The following ITGAD variants were observed in gnomAD, a reference collection of about 807,000 sequenced individuals.
ITGAD encodes integrin alpha-D.
Under a neutral mutation model 139.0 loss-of-function variants are expected in ITGAD, and 105 were observed. That is an observed-to-expected ratio of 0.76 (90% CI 0.65 to 0.89). The LOEUF is 0.89. Among genes scored for constraint, ITGAD ranks in the 40% least tolerant of loss-of-function variants. The pLI, the probability that ITGAD is intolerant of heterozygous loss-of-function variation, is 0.00. For missense variants in ITGAD, 1,384 were observed against 1,487.3 expected (o/e 0.93, Z 1.14); for synonymous variants, 569 against 598.3 (o/e 0.95, Z 0.71).
rs1036198393 is a variant in ITGAD at position 31,393,454 on chromosome 16, G to A, written c.31+63G>A. ...AGTTCTGAGGGGACTCCATCTGGGAGGGCAGGCTGGGGGCTGGTGGTCGGC... is the reference window on the plus strand; with the variant it reads ...AGTTCTGAGGGGACTCCATCTGGGAAGGCAGGCTGGGGGCTGGTGGTCGGC... On this transcript the variant is annotated intron_variant, in intron 1 of 29. Transcript: ENST00000389202. 1.2e-5 allele frequency: 19 copies of A among 1,572,394 alleles called. No homozygotes were observed. The South Asian group carries it at 1.7e-4, about 14-fold the overall frequency.
chr16:31,394,760 C>T (rs772539066), intron 2 of ITGAD, among the ~76,000 whole-genome samples: 13 of 152,232 alleles, frequency 8.5e-5, no homozygotes, highest in Non-Finnish European at 1.5e-4. Flanking sequence ...CAGCCTCAAA[C>T]TCTCGGGCAC....
chr16:31,404,996 G>T (rs768201526), intron 7 of ITGAD, among the ~76,000 whole-genome samples: 1 of 152,056 alleles, frequency 6.6e-6, no homozygotes, highest in Non-Finnish European at 1.5e-5. Flanking sequence ...CCATCTTCTG[G>T]GTTCCTGGAT....
Position 31,403,856 on chromosome 16 carries a change from T to C in ITGAD, c.704+211T>C. The C allele has an allele frequency of 3.4e-6, 2 of 580,350 alleles. No individual in the cohort carries two copies. The highest frequency in any genetic ancestry group is 6.0e-5 in the East Asian group (2 of 33,402). The allele number at this position is 580,350 out of a possible 1,614,324, so 36.0% of individuals were successfully genotyped here. On this transcript the variant is annotated intron_variant, in intron 7 of 29. Coordinates refer to ENST00000389202, the MANE Select transcript of ITGAD (RefSeq NM_005353.3). This position sits in a 1 kb window ranked among gnomAD's most constrained non-coding sequence, Gnocchi z 4.4. ...ATATAGGACTAGGCTCCTCTGCAGC[T>C]ATGCCTCCCCTTTGCCTGGTTCTGC...
At chr16:31,394,183 G>A in intron 1 of ITGAD, 53 bp from the exon 2 acceptor site, 1 of 1,123,430 alleles carries the variant, frequency 8.9e-7, no homozygotes, top group Non-Finnish European at 1.3e-6. Flanking sequence ...GGAGGTCCTA[G>A]GGATTGGGGC....
At chr16:31,416,087 T>A (rs1359573572) in intron 18 of ITGAD, 126 bp from the exon 19 acceptor site, 1 of 648,372 alleles carries the variant, frequency 1.5e-6, no homozygotes, top group African/African-American at 1.8e-5. Flanking sequence ...GCGCCCCTTG[T>A]TGGTGTCCAG....
intron 14 of ITGAD, among the ~76,000 whole-genome samples, 175 bp downstream of exon 14, chr16:31,411,692 A>C (rs1388438647): frequency 6.6e-6 from 1 of 152,222 alleles, no homozygotes; most frequent in Non-Finnish European, 1.5e-5. Context: ...CTGTGTGGGC[A>C]GCTTAATGGT....
intron 23 of ITGAD, among the ~76,000 whole-genome samples, chr16:31,422,801 A>T (rs1597164400): frequency 6.6e-6 from 1 of 152,118 alleles, no homozygotes; most frequent in Non-Finnish European, 1.5e-5. Context: ...GGCAAGGGAC[A>T]TCGGAGGGAG....
chr16:31,416,624 A>G lies in ITGAD; in HGVS notation c.2477A>G (p.His826Arg). The change falls in exon 20 of 30, where the codon CAC becomes CGC. Residue 826 changes from histidine (H) to arginine (R), a missense_variant. His to Arg is a conservative substitution (Grantham distance 29). Coordinates refer to ENST00000389202, the MANE Select transcript of ITGAD (RefSeq NM_005353.3). The stretch of plus-strand genomic sequence containing the variant: ...CTCTACTATCCAGCAGGGCTGTCGC[A>G]CCGACGGGTGTCAGGAGCCCAGGTA... ...VSLYYPAGLS[H>R]RRVSGAQKQP... 2 of 1,610,962 alleles carry G rather than the reference A, an allele frequency of 1.2e-6. No homozygotes were observed. The highest frequency in any genetic ancestry group is 1.1e-5 in the South Asian group (1 of 91,012).
intron 10 of ITGAD, among the ~76,000 whole-genome samples, chr16:31,409,911 C>CAAAA (rs11447533): frequency 3.3e-5 from 3 of 89,768 alleles, no homozygotes; most frequent in African/African-American, 8.9e-5. Context: ...CAGCCTGTCT[C>CAAAA]AAAAAAAAAA....
intron 23 of ITGAD, among the ~76,000 whole-genome samples, chr16:31,420,661 G>A (rs1035831196): frequency 6.6e-6 from 1 of 151,828 alleles, no homozygotes; most frequent in Non-Finnish European, 1.5e-5. Flanking sequence ...TGAAATCTCC[G>A]CCTCCCAGGT....
At chr16:31,414,382 C>A in intron 16 of ITGAD, 69 bp from the exon 17 acceptor site, 1 of 1,546,100 alleles carries the variant, frequency 6.5e-7, no homozygotes, top group Non-Finnish European at 8.8e-7. Flanking sequence ...ATTGCATGAA[C>A]AAATAATGAA....
rs115400552 is a variant in ITGAD, at chr16:31,412,004, C to T, written c.1707+487C>T. 8.8e-3 allele frequency among the ~76,000 whole-genome samples: 1,345 copies of T among 152,052 alleles called. 22 individuals are homozygous for T. Among genetic ancestry groups the T allele is most frequent in the African/African-American group, 0.031 (1,281 of 41,450 alleles). On this transcript the variant is annotated intron_variant, in intron 14 of 29. Transcript: ENST00000389202. ...TCCTCACCAACCTGCACCCTCATGACGGGTTGGACCCAAAGAGCCCCCTTC... is the reference window on the plus strand; with the variant it reads ...TCCTCACCAACCTGCACCCTCATGATGGGTTGGACCCAAAGAGCCCCCTTC...
In ITGAD at chr16:31,398,014, G is replaced by T. The variant is rs898194721; in HGVS notation, c.427+105G>T. ...GCCCCTGTGCCCTCCCTGGAGGGCC[G>T]AGTGTGGCTAGGAGAGAAGCCAGGA... On this transcript the variant is annotated intron_variant, in intron 5 of 29. Transcript: ENST00000389202. 3.7e-6 allele frequency: 3 copies of T among 801,796 alleles called. No homozygotes were observed. In the East Asian group the frequency reaches 8.0e-5, roughly 21 times the overall value. The allele number at this position is 801,796 out of a possible 1,614,324, so 49.7% of individuals were successfully genotyped here.
intron 7 of ITGAD, 60 bp from the exon 8 acceptor site, chr16:31,407,455 T>C (rs1333315893): frequency 6.8e-7 from 1 of 1,463,342 alleles, no homozygotes; most frequent in African/African-American, 1.4e-5. Context: ...GGACTGCAAA[T>C]GATGTCTTTC....
At chr16:31,414,833 G>C (rs1765134573) in intron 17 of ITGAD, 27 bp from the exon 18 acceptor site, 2 of 1,612,222 alleles carry the variant, frequency 1.2e-6, no homozygotes, top group Non-Finnish European at 1.7e-6. Flanking sequence ...GAGGACAGCA[G>C]GTTCTTGAAA....
chr16:31,402,481 A>T (rs1057125294), intron 6 of ITGAD: 1 of 344,966 alleles, frequency 2.9e-6, no homozygotes, highest in Non-Finnish European at 5.3e-6. Flanking sequence ...GTTTAAAAAC[A>T]TTGAAAGTGT....
At position 31,426,015 on chromosome 16, in the gene ITGAD, C is replaced by G. The variant is rs368846196; in HGVS notation, c.3373C>G (p.Leu1125Val). ...LALITATLYKLGFFKRHYKEM... is the reference protein window; with the variant it reads ...LALITATLYKVGFFKRHYKEM... Reference sequence around the variant, plus strand: ...TTTTCTAATTTATTTCCCCTGATAGCTTGGCTTCTTCAAACGCCACTACAA... The same window carrying G: ...TTTTCTAATTTATTTCCCCTGATAGGTTGGCTTCTTCAAACGCCACTACAA... Residue 1125 changes from leucine to valine, a missense_variant and splice_region_variant, in exon 30 of 30, where the codon CTT becomes GTT. Leu to Val is a conservative substitution (Grantham distance 32). Coordinates refer to ENST00000389202, the MANE Select transcript of ITGAD (RefSeq NM_005353.3). 2.8e-5 allele frequency: 45 copies of G among 1,607,440 alleles called. No homozygotes were observed. The African/African-American group carries it at 4.5e-4, about 16-fold the overall frequency.
At position 31,413,169 on chromosome 16, in the gene ITGAD, A is replaced by T. The variant is rs2142771983; in HGVS notation, c.1919A>T (p.Glu640Val). ...GCCAAGGCTGTGTACCGGTGCTGGGAAGAGAAGCCCAGTGCCCTGGAAGCT... is the reference window on the plus strand; with the variant it reads ...GCCAAGGCTGTGTACCGGTGCTGGGTAGAGAAGCCCAGTGCCCTGGAAGCT... ...EVAKAVYRCWEEKPSALEAGD... is the reference protein window; with the variant it reads ...EVAKAVYRCWVEKPSALEAGD... The change falls in exon 16 of 30, where the codon GAA becomes GTA. Residue 640 changes from glutamate (E) to valine (V), a missense_variant. Glu to Val is a moderately radical substitution (Grantham distance 121). Coordinates refer to ENST00000389202, the MANE Select transcript of ITGAD (RefSeq NM_005353.3). The T allele has an allele frequency of 6.2e-7, 1 of 1,614,082 alleles. No individual in the cohort carries two copies. The highest frequency in any genetic ancestry group is 1.7e-5 in the Admixed American group (1 of 60,016).
At chr16:31,407,706 G>C in intron 8 of ITGAD, 38 bp downstream of exon 8, 1 of 1,613,268 alleles carries the variant, frequency 6.2e-7, no homozygotes, top group Non-Finnish European at 8.5e-7. Context: ...GGCTCAGCCT[G>C]CATCTCCTTC....
Sources: allele counts gnomAD v4.1 joint callset (sites outside exome capture counted in the v4.1 genomes callset), GRCh38; gene constraint gnomAD v4.1.1; non-coding constraint Gnocchi (gnomAD v3.1); transcripts MANE v1.5; gene names NCBI Gene and HGNC (gene_info 2026-07-23, HGNC 2026-07-21).